DOCK11: variants seen among roughly 807,000 people sequenced by gnomAD.
The protein encoded by DOCK11 is dedicator of cytokinesis protein 11.
A neutral mutation model predicts 169.1 loss-of-function variants in DOCK11; 70 were observed. The ratio of observed to expected loss-of-function variants is 0.41; its 90% CI spans 0.34 to 0.51. DOCK11 has a LOEUF of 0.51. Among genes scored for constraint, DOCK11 ranks in the 20% least tolerant of loss-of-function variants. The pLI, the probability that DOCK11 is intolerant of heterozygous loss-of-function variation, is 0.10. For synonymous variants in DOCK11, 529 were observed against 541.3 expected, an observed-to-expected ratio of 0.98 and a Z score of 0.32; for missense variants, 1,166 against 1,538.8, an observed-to-expected ratio of 0.76 and a Z score of 4.05.
chrX:118,555,161 T>A, intron 6 of DOCK11, among the ~76,000 whole-genome samples: 1 of 111,831 alleles, frequency 8.9e-6, no homozygotes, highest in Admixed American at 9.5e-5. Context: ...TGGCTTTAAA[T>A]CAAATAGTTG....
chrX:118,594,186 C>T (rs1027255403), intron 20 of DOCK11, among the ~76,000 whole-genome samples: 13 of 111,784 alleles, frequency 1.2e-4, no homozygotes, highest in East Asian at 2.8e-4. Flanking sequence ...CAAGGCTTTA[C>T]GTAAACCAAT....
chrX:118,685,555 T>C, intron 52 of DOCK11, 133 bp from the exon 53 acceptor site: 1 of 819,150 alleles, frequency 1.2e-6, no homozygotes, highest in Non-Finnish European at 1.7e-6. Context: ...TATTCTTTGC[T>C]CTCTCTGCTT....
At chrX:118,542,703 T>A in intron 1 of DOCK11, 22 bp from the exon 2 acceptor site, 1 of 1,094,349 alleles carries the variant, frequency 9.1e-7, no homozygotes, top group Non-Finnish European at 1.3e-6. Context: ...TCATAATAAC[T>A]TTACTTTTGT....
At chrX:118,602,357 G>T (rs1204850498) in intron 23 of DOCK11, among the ~76,000 whole-genome samples, 1 of 110,987 alleles carries the variant, frequency 9.0e-6, no homozygotes, top group East Asian at 2.8e-4. Context: ...ATAATTTAGG[G>T]TTATTGTCCA....
intron 1 of DOCK11, among the ~76,000 whole-genome samples, chrX:118,508,777 G>A (rs1170693456): frequency 8.9e-6 from 1 of 112,206 alleles, no homozygotes; most frequent in East Asian, 2.8e-4. Context: ...CCACTTGCAA[G>A]GGAACTTGGC....
At chrX:118,649,161 T>G in intron 41 of DOCK11, 34 bp downstream of exon 41, 3 of 1,105,248 alleles carry the variant, frequency 2.7e-6, no homozygotes, top group Non-Finnish European at 3.6e-6. Context: ...TTCATCTTTC[T>G]TCTCTTCAAT....
chrX:118,679,343 C>A (rs1382059974), intron 48 of DOCK11, among the ~76,000 whole-genome samples: 2 of 112,118 alleles, frequency 1.8e-5, no homozygotes, highest in East Asian at 5.6e-4. Flanking sequence ...ACATTATTTA[C>A]AACAGCAAAA....
In DOCK11 at chrX:118,590,198, T is replaced by C. The variant is rs1175860610; in HGVS notation, c.2047-12T>C. On this transcript the variant is annotated splice_polypyrimidine_tract_variant and intron_variant, in intron 18 of 52. Coordinates refer to ENST00000276202, the MANE Select transcript of DOCK11 (RefSeq NM_144658.4). ...GCATTTAGAGCGGTGACTCTGTTTC[T>C]TTCTTTTGCAGTGTATTTATGGAAA... 8.4e-7 allele frequency: 1 copy of C among 1,192,225 alleles called. No homozygotes were observed. Among genetic ancestry groups the C allele is most frequent in the Non-Finnish European group, 1.1e-6 (1 of 881,170 alleles).
At chrX:118,514,377 G>A (rs1238821370) in intron 1 of DOCK11, among the ~76,000 whole-genome samples, 1 of 111,429 alleles carries the variant, frequency 9.0e-6, no homozygotes, top group Non-Finnish European at 1.9e-5. Flanking sequence ...TTCCTGCGGG[G>A]TGAAACAAGT....
At chrX:118,509,279 T>C (rs1297748771) in intron 1 of DOCK11, among the ~76,000 whole-genome samples, 2 of 110,196 alleles carry the variant, frequency 1.8e-5, no homozygotes, top group Non-Finnish European at 3.8e-5. Context: ...TTCTCTCTTT[T>C]TTTTTTTCTG....
chrX:118,636,325 CTT>C lies in DOCK11; in HGVS notation c.3887-19_3887-18del, dbSNP rs773355566. 2 of 1,037,460 alleles carry C rather than the reference CTT, an allele frequency of 1.9e-6. No individual in the cohort carries two copies. Among genetic ancestry groups the C allele is most frequent in the African/African-American group, 3.7e-5 (2 of 53,336 alleles). 85.5% of individuals were successfully genotyped at this position (1,037,460 alleles called of 1,213,427 possible). A position where few individuals can be genotyped will look rare whatever the true frequency, so the allele number is the denominator to read the frequency against. On this transcript the variant is annotated intron_variant, in intron 35 of 52. Transcript: ENST00000276202. ...GCTGTAATTATTTCAAGATCTAACA[CTT>C]TATTTATTCCATTTTCAGATACTCT...
intron 1 of DOCK11, among the ~76,000 whole-genome samples, chrX:118,509,355 C>T (rs1417920557): frequency 9.0e-6 from 1 of 110,866 alleles, no homozygotes; most frequent in African/African-American, 3.3e-5. Context: ...CTCTGCTTCC[C>T]GTGTTCAAGT....
At position 118,636,325 on chromosome X, in the gene DOCK11, CT is replaced by C; in HGVS notation, c.3887-18del. On this transcript the variant is annotated intron_variant, in intron 35 of 52. Coordinates refer to ENST00000276202, the MANE Select transcript of DOCK11 (RefSeq NM_144658.4). ...GCTGTAATTATTTCAAGATCTAACACTTTATTTATTCCATTTTCAGATACTC... is the reference window on the plus strand; with the variant it reads ...GCTGTAATTATTTCAAGATCTAACACTTATTTATTCCATTTTCAGATACTC... 9.6e-7 allele frequency: 1 copy of C among 1,037,459 alleles called. No individual in the cohort carries two copies. The highest frequency in any genetic ancestry group is 1.3e-6 in the Non-Finnish European group (1 of 761,462). The allele number at this position is 1,037,459 out of a possible 1,213,427, so 85.5% of individuals were successfully genotyped here. A position where few individuals can be genotyped will look rare whatever the true frequency, so the allele number is the denominator to read the frequency against.
chrX:118,513,103 T>G (rs2057660127), intron 1 of DOCK11, among the ~76,000 whole-genome samples: 2 of 111,841 alleles, frequency 1.8e-5, no homozygotes, highest in African/African-American at 6.5e-5. Context: ...GACTTCTCCC[T>G]TCTACCATGC....
At chrX:118,576,754 G>T (rs961667145) in intron 12 of DOCK11, among the ~76,000 whole-genome samples, 3 of 112,488 alleles carry the variant, frequency 2.7e-5, no homozygotes, top group Non-Finnish European at 3.8e-5. Context: ...AGTCCTCATT[G>T]CTGGCATCAG....
intron 40 of DOCK11, among the ~76,000 whole-genome samples, chrX:118,646,463 A>G (rs1052451854): frequency 8.9e-6 from 1 of 111,855 alleles, no homozygotes; most frequent in Non-Finnish European, 1.9e-5. Flanking sequence ...GAAGAAAGGT[A>G]AGAAAGAAGG....
intron 1 of DOCK11, among the ~76,000 whole-genome samples, chrX:118,523,331 A>C (rs911221324): frequency 8.9e-6 from 1 of 112,564 alleles, no homozygotes; most frequent in African/African-American, 3.2e-5. Context: ...TTGTATGTCT[A>C]GGTGGAGACC....
rs187408495 is a variant in DOCK11, at chrX:118,526,414, A to G, written c.103-16311A>G. ...GGCCCTTCAAAAGGAACTCTGGCCAAGGGTCCCTGAGGGAGAGAAAGATGC... is the reference window on the plus strand; with the variant it reads ...GGCCCTTCAAAAGGAACTCTGGCCAGGGGTCCCTGAGGGAGAGAAAGATGC... On this transcript the variant is annotated intron_variant, in intron 1 of 52. Transcript: ENST00000276202. Among the ~76,000 whole-genome samples, 297 of 112,496 alleles carry G rather than the reference A, an allele frequency of 2.6e-3. 1 individual carries two copies. Among genetic ancestry groups the G allele is most frequent in the African/African-American group, 9.2e-3 (285 of 30,935 alleles).
intron 1 of DOCK11, among the ~76,000 whole-genome samples, chrX:118,507,208 C>T (rs1349767485): frequency 4.5e-5 from 5 of 112,164 alleles, no homozygotes; most frequent in Non-Finnish European, 9.4e-5. Flanking sequence ...GATACTTCAG[C>T]GTTCCCATCG....
Sources: allele counts gnomAD v4.1 joint callset (sites outside exome capture counted in the v4.1 genomes callset), GRCh38; gene constraint gnomAD v4.1.1; transcripts MANE v1.5; gene names NCBI Gene and HGNC (gene_info 2026-07-23, HGNC 2026-07-21).